Variants in MARCHF1 observed in about 807,000 individuals in gnomAD.
The protein encoded by MARCHF1 is membrane associated ring-CH-type finger 1.
MARCHF1 carries 40 observed loss-of-function variants against 54.2 expected under a neutral mutation model. That is an observed-to-expected ratio of 0.74 (90% CI 0.57 to 0.96). The LOEUF is 0.96. MARCHF1 is among the 40% of genes least tolerant of loss of function. The pLI is 0.00. For missense variants in MARCHF1, 586 were observed against 656.5 expected (o/e 0.89, Z 1.17); for synonymous variants, 236 against 236.3 (o/e 1.00, Z 0.01).
intron 5 of MARCHF1, among the ~76,000 whole-genome samples, chr4:163,671,270 A>G (rs1743727041): frequency 6.6e-6 from 1 of 152,220 alleles, no homozygotes; most frequent in African/African-American, 2.4e-5. Context: ...TTTTATTTTC[A>G]GGAAAATGTA....
intron 3 of MARCHF1, among the ~76,000 whole-genome samples, chr4:163,906,092 A>G (rs1362853116): frequency 6.6e-6 from 1 of 152,086 alleles, no homozygotes; most frequent in Non-Finnish European, 1.5e-5. Context: ...ATGGAGAAAT[A>G]TTATTATACT....
At chr4:163,742,384 CTCCT>C (rs1321185777) in intron 4 of MARCHF1, among the ~76,000 whole-genome samples, 1 of 97,744 alleles carries the variant, frequency 1.0e-5, no homozygotes, top group Non-Finnish European at 2.3e-5. Flanking sequence ...CCCTCGCTAC[CTCCT>C]TCCTTCCTCC....
intron 2 of MARCHF1, among the ~76,000 whole-genome samples, chr4:164,084,956 T>A (rs1755166530): frequency 6.6e-6 from 1 of 151,800 alleles, no homozygotes; most frequent in South Asian, 2.1e-4. Flanking sequence ...TCTATTTATA[T>A]TTTATTAAAT....
chr4:163,596,518 CGACAGTGTGA>C (rs1364698078), intron 7 of MARCHF1, among the ~76,000 whole-genome samples: 4 of 125,040 alleles, frequency 3.2e-5, no homozygotes, highest in African/African-American at 1.3e-4. Flanking sequence ...CCAGCCTGGG[CGACAGTGTGA>C]GGCTGTCTCA....
intron 5 of MARCHF1, among the ~76,000 whole-genome samples, chr4:163,623,456 T>C (rs1309665458): frequency 1.3e-5 from 2 of 152,198 alleles, no homozygotes; most frequent in East Asian, 1.9e-4. Flanking sequence ...ATGTCCTACA[T>C]TGTATGAGTG....
chr4:164,348,878 A>C (rs962507177), intron 1 of MARCHF1, among the ~76,000 whole-genome samples: 2 of 152,164 alleles, frequency 1.3e-5, no homozygotes, highest in Admixed American at 6.5e-5. Context: ...AAGATACCAC[A>C]AAGAATTAGC....
At chr4:164,141,937 A>AAGTGGGCG (rs1360425397) in intron 1 of MARCHF1, among the ~76,000 whole-genome samples, 1 of 116,934 alleles carries the variant, frequency 8.6e-6, no homozygotes, top group African/African-American at 4.7e-5. Flanking sequence ...GGAGTGCCAG[A>AAGTGGGCG]CAGTGGGCGC....
intron 5 of MARCHF1, among the ~76,000 whole-genome samples, chr4:163,694,245 C>T (rs923991205): frequency 3.9e-5 from 6 of 152,136 alleles, no homozygotes; most frequent in South Asian, 2.1e-4. Flanking sequence ...CCACCAAAAT[C>T]CCTTTGGGTC....
chr4:163,562,116 G>A (rs4691092), intron 8 of MARCHF1, among the ~76,000 whole-genome samples: 46,441 of 151,812 alleles, frequency 0.31, 7,836 homozygotes, highest in Middle Eastern at 0.43. Flanking sequence ...GGCCAACATG[G>A]TGAAACCCCG....
chr4:164,249,940 A>C (rs369236891), intron 1 of MARCHF1, among the ~76,000 whole-genome samples: 5 of 152,218 alleles, frequency 3.3e-5, no homozygotes, highest in East Asian at 1.9e-4. Context: ...AAGAGCAAAC[A>C]ATTACTGAGC....
At chr4:163,815,913 T>C (rs1174055179) in intron 4 of MARCHF1, among the ~76,000 whole-genome samples, 3 of 152,190 alleles carry the variant, frequency 2.0e-5, no homozygotes, top group African/African-American at 7.2e-5. Flanking sequence ...TAATCTTAAC[T>C]TCTTTCACTT....
intron 3 of MARCHF1, among the ~76,000 whole-genome samples, chr4:163,925,464 A>G (rs575813004): frequency 6.6e-6 from 1 of 151,882 alleles, no homozygotes; most frequent in Admixed American, 6.6e-5. Flanking sequence ...AACAATGGAA[A>G]TAATTCTTTT....
At chr4:164,372,928 T>C (rs1311375036) in intron 1 of MARCHF1, among the ~76,000 whole-genome samples, 1 of 152,152 alleles carries the variant, frequency 6.6e-6, no homozygotes, top group Non-Finnish European at 1.5e-5. Flanking sequence ...CTTTCTTTAG[T>C]TTCTCAAGCA....
chr4:163,763,660 C>T (rs191277398), intron 4 of MARCHF1, among the ~76,000 whole-genome samples: 1 of 151,986 alleles, frequency 6.6e-6, no homozygotes. Flanking sequence ...TTTCAGCACA[C>T]GCTGCATATC....
intron 2 of MARCHF1, among the ~76,000 whole-genome samples, chr4:164,094,572 G>C (rs1755369282): frequency 6.6e-6 from 1 of 152,142 alleles, no homozygotes; most frequent in African/African-American, 2.4e-5. Flanking sequence ...GAATAGGAAT[G>C]AAAGTGCATT....
intron 1 of MARCHF1, among the ~76,000 whole-genome samples, chr4:164,187,552 G>T (rs1463615240): frequency 1.3e-5 from 2 of 152,090 alleles, no homozygotes; most frequent in Non-Finnish European, 2.9e-5. Context: ...TGTCTGCTGT[G>T]CTGTGAGTAA....
At chr4:164,142,969 G>C (rs920129480) in intron 1 of MARCHF1, among the ~76,000 whole-genome samples, 1 of 151,994 alleles carries the variant, frequency 6.6e-6, no homozygotes, top group Non-Finnish European at 1.5e-5. Context: ...AAACAGAGAA[G>C]AGCTTAACGG....
chr4:164,342,494 T>C (rs1729958004), intron 1 of MARCHF1, among the ~76,000 whole-genome samples: 1 of 151,686 alleles, frequency 6.6e-6, no homozygotes, highest in Non-Finnish European at 1.5e-5. Context: ...CTGCACGTTA[T>C]GCACATGTAC....
At chr4:163,784,015 C>T (rs57032938) in intron 4 of MARCHF1, among the ~76,000 whole-genome samples, 71,263 of 152,030 alleles carry the variant, frequency 0.47, 17,172 homozygotes, top group East Asian at 0.83. Context: ...CAGCATACTA[C>T]ATAAACAGTA....
Sources: gnomAD v4.1 joint callset for allele counts (sites outside exome capture counted in the v4.1 genomes callset) on GRCh38, gnomAD v4.1.1 for gene constraint, MANE v1.5 for transcripts, NCBI Gene and HGNC (gene_info 2026-07-23, HGNC 2026-07-21) for gene names.